Variants in CRTAM observed in about 807,000 individuals in gnomAD.
CRTAM encodes cytotoxic and regulatory T-cell molecule.
CRTAM carries 44 observed loss-of-function variants against 50.0 expected under a neutral mutation model. The observed-to-expected ratio is 0.88, with a 90% CI of 0.69 to 1.13. CRTAM has a LOEUF of 1.13. Ranked by LOEUF, CRTAM falls within the 50% of genes most tolerant of loss-of-function variation. The pLI is 0.00. For missense variants in CRTAM, 448 were observed against 457.5 expected, an observed-to-expected ratio of 0.98 and a Z score of 0.19; for synonymous variants, 159 against 169.3, an observed-to-expected ratio of 0.94 and a Z score of 0.47.
chr11:122,855,637 A>G, intron 4 of CRTAM, 58 bp from the exon 5 acceptor site: 1 of 1,506,500 alleles, frequency 6.6e-7, no homozygotes, highest in Non-Finnish European at 9.1e-7. Flanking sequence ...GGCCTCTAAT[A>G]GAACCAACCT....
intron 1 of CRTAM, among the ~76,000 whole-genome samples, chr11:122,843,570 C>T (rs764006323): frequency 7.9e-5 from 12 of 152,074 alleles, no homozygotes; most frequent in Non-Finnish European, 1.3e-4. Context: ...GTATGGCACT[C>T]GGGGTCTAAT....
Position 122,871,659 on chromosome 11 carries a change from C to T in CRTAM, c.*260C>T, listed in dbSNP as rs1051496504. On this transcript the variant is annotated 3_prime_UTR_variant, in exon 10 of 10. Coordinates refer to ENST00000227348, the MANE Select transcript of CRTAM (RefSeq NM_019604.4). ...ACTACTTCAGAGCAGGAGGATTCTACGAAGCCTTGGGGATCAGGGTCAGTG... is the reference window on the plus strand; with the variant it reads ...ACTACTTCAGAGCAGGAGGATTCTATGAAGCCTTGGGGATCAGGGTCAGTG... 8 of 230,662 alleles carry T rather than the reference C, an allele frequency of 3.5e-5. No individual in the cohort carries two copies. The highest frequency in any genetic ancestry group is 9.0e-5 in the African/African-American group (4 of 44,304). 14.3% of individuals were successfully genotyped at this position (230,662 alleles called of 1,614,324 possible). A position where few individuals can be genotyped will look rare whatever the true frequency, so the allele number is the denominator to read the frequency against.
chr11:122,856,417 C>G (rs1427435896), intron 5 of CRTAM, among the ~76,000 whole-genome samples: 1 of 152,202 alleles, frequency 6.6e-6, no homozygotes, highest in Non-Finnish European at 1.5e-5. Flanking sequence ...ATTCTCAGAA[C>G]CTCTATTCTA....
intron 3 of CRTAM, among the ~76,000 whole-genome samples, chr11:122,852,556 T>C (rs1457988958): frequency 1.3e-5 from 2 of 152,178 alleles, no homozygotes; most frequent in African/African-American, 2.4e-5. Flanking sequence ...ACTTCTCCTG[T>C]TGAATTACTG....
chr11:122,868,870 ATGG>A (rs1375564600), intron 9 of CRTAM, among the ~76,000 whole-genome samples: 2 of 152,060 alleles, frequency 1.3e-5, no homozygotes, highest in African/African-American at 4.8e-5. Context: ...TTAGCCGGGC[ATGG>A]TGGCAGGAGC....
chr11:122,864,776 A>G, intron 7 of CRTAM, 57 bp downstream of exon 7: 1 of 1,250,728 alleles, frequency 8.0e-7, no homozygotes, highest in Non-Finnish European at 1.2e-6. Flanking sequence ...CTCTTAATCG[A>G]TAAATTCAAT....
intron 1 of CRTAM, among the ~76,000 whole-genome samples, chr11:122,847,255 G>A (rs567102864): frequency 4.6e-5 from 7 of 152,244 alleles, no homozygotes; most frequent in African/African-American, 1.4e-4. Context: ...GCTCGTGTGC[G>A]TGTGTGTTAC....
At chr11:122,869,018 A>C (rs1200521790) in intron 9 of CRTAM, among the ~76,000 whole-genome samples, 1 of 152,196 alleles carries the variant, frequency 6.6e-6, no homozygotes, top group African/African-American at 2.4e-5. Context: ...CAAAAAAATA[A>C]AAATAAAAAT....
chr11:122,851,624 C>A, intron 2 of CRTAM, 69 bp from the exon 3 acceptor site: 3 of 1,445,546 alleles, frequency 2.1e-6, no homozygotes, highest in Non-Finnish European at 2.9e-6. Flanking sequence ...CTTCTGGCAT[C>A]TACTGGGTAG....
At chr11:122,843,669 T>A (rs1439391450) in intron 1 of CRTAM, among the ~76,000 whole-genome samples, 1 of 152,008 alleles carries the variant, frequency 6.6e-6, no homozygotes, top group Non-Finnish European at 1.5e-5. Context: ...TCACACCCCA[T>A]CCCTCTGACA....
At chr11:122,854,673 A>G (rs989734229) in intron 4 of CRTAM, among the ~76,000 whole-genome samples, 71 of 151,720 alleles carry the variant, frequency 4.7e-4, no homozygotes, top group Admixed American at 4.2e-3. Context: ...AAAAAAAAAA[A>G]AAGAAGAAGT....
At chr11:122,862,308 C>A (rs1862095765) in intron 5 of CRTAM, 156 bp from the exon 6 acceptor site, 3 of 614,374 alleles carry the variant, frequency 4.9e-6, no homozygotes, top group South Asian at 2.0e-5. Flanking sequence ...GATTCAAAAA[C>A]CAGAGCAGGA....
At chr11:122,851,576 T>C (rs1861929983) in intron 2 of CRTAM, 117 bp from the exon 3 acceptor site, 1 of 873,394 alleles carries the variant, frequency 1.1e-6, no homozygotes, top group Non-Finnish European at 1.9e-6. Context: ...TGTCTGGAGA[T>C]AGTTTTGATT....
Position 122,850,229 on chromosome 11 carries a change from G to A in CRTAM, c.193+15G>A, listed in dbSNP as rs1284852587. The A allele has an allele frequency of 2.5e-6, 4 of 1,577,060 alleles. No individual in the cohort carries two copies. Among genetic ancestry groups the A allele is most frequent in the Admixed American group, 1.8e-5 (1 of 55,178 alleles). On this transcript the variant is annotated intron_variant, in intron 2 of 9. Coordinates refer to ENST00000227348, the MANE Select transcript of CRTAM (RefSeq NM_019604.4). ...TGAGTATCCTGGTAAGTGAAAGAAA[G>A]AAAGAAAAAATGCCACCAGACCTTA...
intron 1 of CRTAM, 35 bp from the exon 2 acceptor site, chr11:122,850,033 C>T: frequency 6.4e-7 from 1 of 1,551,094 alleles, no homozygotes. Flanking sequence ...CTGTGGACCC[C>T]CGGCCTGATC....
chr11:122,864,634 A>C lies in CRTAM; in HGVS notation c.734-2A>C, dbSNP rs575787420. 30 of 1,603,024 alleles carry C rather than the reference A, an allele frequency of 1.9e-5. No homozygotes were observed. The South Asian group carries it at 3.2e-4, about 17-fold the overall frequency. On this transcript the variant is annotated splice_acceptor_variant, in intron 6 of 9. Coordinates refer to ENST00000227348, the MANE Select transcript of CRTAM (RefSeq NM_019604.4). LOFTEE classifies it high-confidence loss of function. The stretch of plus-strand genomic sequence containing the variant: ...CTCATGTTTTATCTTCTTTCACTTT[A>C]GTCTCAGTAACGGAAGATTCTAGTA...
rs1156341825 is a variant in CRTAM at position 122,863,339 on chromosome 11, AAGAAAGAAAGAAAAAG to A, written c.733+797_733+812del. ...AGAAAGAAAAAGAAAGAAAGAAAGA[AAGAAAGAAAGAAAAAG>A]AAAGAAAGAAAGAAAAAGAAAGAAA... On this transcript the variant is annotated intron_variant, in intron 6 of 9. Coordinates refer to ENST00000227348, the MANE Select transcript of CRTAM (RefSeq NM_019604.4). Among the ~76,000 whole-genome samples, 415 of 82,446 alleles carry A rather than the reference AAGAAAGAAAGAAAAAG, an allele frequency of 5.0e-3. 4 individuals are homozygous for A. The highest frequency in any genetic ancestry group is 6.8e-3 in the Non-Finnish European group (194 of 28,456). The allele number at this position is 82,446 out of a possible 152,430, so 54.1% of individuals were successfully genotyped here.
intron 5 of CRTAM, 147 bp from the exon 6 acceptor site, chr11:122,862,317 G>A: frequency 1.6e-6 from 1 of 624,520 alleles, no homozygotes; most frequent in South Asian, 1.9e-5. Flanking sequence ...ACCAGAGCAG[G>A]AGCCACAGAA....
rs1862098754 is a variant in CRTAM, at chr11:122,862,448, T to C, written c.653-16T>C. The C allele has an allele frequency of 1.3e-6, 2 of 1,585,410 alleles. No individual in the cohort carries two copies. Among genetic ancestry groups the C allele is most frequent in the East Asian group, 4.5e-5 (2 of 44,752 alleles). ...GCTCTCTATAGTAGCAGAATTTTGT[T>C]TTTCCCCTTTCCTAGTTACTGATGA... On this transcript the variant is annotated splice_polypyrimidine_tract_variant and intron_variant, in intron 5 of 9. Transcript: ENST00000227348.
Sources: allele counts gnomAD v4.1 joint callset (sites outside exome capture counted in the v4.1 genomes callset), GRCh38; gene constraint gnomAD v4.1.1; transcripts MANE v1.5; gene names NCBI Gene and HGNC (gene_info 2026-07-23, HGNC 2026-07-21).